The following ZNF407 variants were observed in gnomAD, a reference collection of about 807,000 sequenced individuals.
ZNF407 encodes zinc finger protein 407.
In ZNF407, 17 loss-of-function variants were observed where a neutral mutation model predicts 131.2. The ratio of observed to expected loss-of-function variants is 0.13; its 90% CI spans 0.09 to 0.19. The LOEUF (loss-of-function observed/expected upper bound fraction) is 0.19, where lower values mean the gene tolerates loss of function less well. Ranked by LOEUF, ZNF407 falls within the 10% of genes least tolerant of loss-of-function variation. The probability of loss-of-function intolerance (pLI) is 1.00; values close to 1 mark genes in which losing one functional copy is unlikely to be tolerated. For missense variants in ZNF407, 2,681 were observed against 2,830.6 expected, an observed-to-expected ratio of 0.95 and a Z score of 1.20; for synonymous variants, 1,156 against 1,062.0, an observed-to-expected ratio of 1.09 and a Z score of -1.72.
chr18:74,706,968 G>A (rs1246995476), intron 3 of ZNF407, among the ~76,000 whole-genome samples: 1 of 73,336 alleles, frequency 1.4e-5, no homozygotes. Context: ...TTTTTTTTTT[G>A]AGATGGAGTC....
At chr18:74,722,957 C>T (rs1345336075) in intron 3 of ZNF407, among the ~76,000 whole-genome samples, 1 of 151,900 alleles carries the variant, frequency 6.6e-6, no homozygotes, top group Non-Finnish European at 1.5e-5. Context: ...ATGTGTTAGA[C>T]CTCTTGTAAT....
At chr18:74,675,445 C>T (rs577453617) in intron 3 of ZNF407, among the ~76,000 whole-genome samples, 21 of 152,122 alleles carry the variant, frequency 1.4e-4, no homozygotes, top group African/African-American at 3.6e-4. Flanking sequence ...CTGTTTGTGG[C>T]GAATGAATAA....
chr18:74,900,926 G>T (rs1971516133), intron 7 of ZNF407, among the ~76,000 whole-genome samples: 1 of 152,158 alleles, frequency 6.6e-6, no homozygotes, highest in Non-Finnish European at 1.5e-5. Context: ...CAAATTGCCG[G>T]TTTTTTTCTA....
At chr18:75,009,497 T>A (rs1972949154) in intron 8 of ZNF407, among the ~76,000 whole-genome samples, 1 of 152,218 alleles carries the variant, frequency 6.6e-6, no homozygotes, top group African/African-American at 2.4e-5. Flanking sequence ...ACTTGATTTC[T>A]AGCTATGTGT....
In ZNF407 at chr18:75,064,300, T is replaced by G. The variant is rs1442043077; in HGVS notation, c.6579T>G (p.Thr2193=). The G allele has an allele frequency of 6.2e-7, 1 of 1,602,948 alleles. No individual in the cohort carries two copies. Among genetic ancestry groups the G allele is most frequent in the Non-Finnish European group, 8.5e-7 (1 of 1,175,678 alleles). The stretch of plus-strand genomic sequence containing the variant: ...TGTACTCCCACACCGTGCTGGAGAC[T>G]GCGGACTCGCAGGAACTCCTGCAGG... ...PGLYSHTVLE[T]ADSQELLQAG... is the part of the protein sequence containing the mutation. Residue 2193 remains threonine, a synonymous_variant, in exon 9 of 9, where the codon ACT becomes ACG. Coordinates refer to ENST00000299687, the MANE Select transcript of ZNF407 (RefSeq NM_017757.3).
At chr18:74,800,027 C>G (rs1388682496) in intron 4 of ZNF407, among the ~76,000 whole-genome samples, 5 of 150,696 alleles carry the variant, frequency 3.3e-5, no homozygotes. Context: ...ACTGATGAGT[C>G]CTGGCTTTCA....
chr18:74,724,570 A>G (rs556311098), intron 3 of ZNF407, among the ~76,000 whole-genome samples: 1 of 152,148 alleles, frequency 6.6e-6, no homozygotes, highest in Non-Finnish European at 1.5e-5. Flanking sequence ...TCTCTCATGC[A>G]CACACACGTG....
intron 5 of ZNF407, among the ~76,000 whole-genome samples, chr18:74,878,329 C>A (rs2053145688): frequency 6.6e-6 from 1 of 152,060 alleles, no homozygotes; most frequent in South Asian, 2.1e-4. Context: ...CCAAAATGTT[C>A]TTCTGATTGC....
At chr18:74,872,373 T>C (rs1207844226) in intron 4 of ZNF407, among the ~76,000 whole-genome samples, 1 of 152,200 alleles carries the variant, frequency 6.6e-6, no homozygotes, top group Non-Finnish European at 1.5e-5. Context: ...CCCTAGTTTA[T>C]TCATTTTCAC....
chr18:74,763,553 G>A (rs1039385394), intron 3 of ZNF407, among the ~76,000 whole-genome samples: 5 of 151,408 alleles, frequency 3.3e-5, no homozygotes, highest in African/African-American at 1.2e-4. Context: ...AAGTTTAATG[G>A]TTTTAGGTAT....
At chr18:74,962,493 T>C (rs571290191) in intron 8 of ZNF407, among the ~76,000 whole-genome samples, 1 of 152,236 alleles carries the variant, frequency 6.6e-6, no homozygotes, top group Non-Finnish European at 1.5e-5. Context: ...TAGGTGTCTC[T>C]GTGGGAATGG....
At chr18:74,676,489 T>C (rs367631318) in intron 3 of ZNF407, among the ~76,000 whole-genome samples, 7 of 148,352 alleles carry the variant, frequency 4.7e-5, no homozygotes, top group African/African-American at 1.0e-4. Context: ...CAGGCTGGAG[T>C]GCAGTGGCGG....
At chr18:74,953,690 G>C (rs1972242222) in intron 8 of ZNF407, among the ~76,000 whole-genome samples, 1 of 152,202 alleles carries the variant, frequency 6.6e-6, no homozygotes, top group African/African-American at 2.4e-5. Context: ...TGTAAATATA[G>C]TTGCATATAG....
intron 3 of ZNF407, among the ~76,000 whole-genome samples, chr18:74,650,251 A>G (rs1023295462): frequency 2.6e-5 from 4 of 152,152 alleles, no homozygotes; most frequent in Non-Finnish European, 5.9e-5. Flanking sequence ...TTCTTAGCTG[A>G]AAAGTTCCTT....
intron 4 of ZNF407, among the ~76,000 whole-genome samples, chr18:74,858,091 T>TCCTTCCTC (rs1970885421): frequency 7.1e-6 from 1 of 140,436 alleles, no homozygotes; most frequent in African/African-American, 2.7e-5. Context: ...CTCCTTTCCT[T>TCCTTCCTC]CCTTCCTCCC....
chr18:74,875,976 T>G (rs1206642315), intron 4 of ZNF407, among the ~76,000 whole-genome samples: 1 of 152,210 alleles, frequency 6.6e-6, no homozygotes, highest in Non-Finnish European at 1.5e-5. Flanking sequence ...ATTTGTGATA[T>G]TCCGAGTGAT....
At chr18:74,928,365 T>C (rs903138410) in intron 8 of ZNF407, among the ~76,000 whole-genome samples, 2 of 152,198 alleles carry the variant, frequency 1.3e-5, no homozygotes, top group Admixed American at 6.5e-5. Flanking sequence ...CCAAGGTTCT[T>C]ATTATGTAGA....
chr18:74,856,326 T>A (rs1970858516), intron 4 of ZNF407, among the ~76,000 whole-genome samples: 1 of 152,212 alleles, frequency 6.6e-6, no homozygotes, highest in African/African-American at 2.4e-5. Context: ...TCGGCCCCAA[T>A]TCAAATTAAA....
At chr18:74,708,707 T>C (rs1599087263) in intron 3 of ZNF407, among the ~76,000 whole-genome samples, 2 of 152,330 alleles carry the variant, frequency 1.3e-5, no homozygotes, top group South Asian at 4.1e-4. Flanking sequence ...TTCTCATCCT[T>C]CCTTGGTGGG....
Sources: gnomAD v4.1 joint callset for allele counts (sites outside exome capture counted in the v4.1 genomes callset) on GRCh38, gnomAD v4.1.1 for gene constraint, MANE v1.5 for transcripts, NCBI Gene and HGNC (gene_info 2026-07-23, HGNC 2026-07-21) for gene names.